CDH13: variants seen among roughly 807,000 people sequenced by gnomAD.
CDH13 encodes the protein cadherin-13.
Under a neutral mutation model 63.8 loss-of-function variants are expected in CDH13, and 24 were observed. The ratio of observed to expected loss-of-function variants is 0.38; its 90% CI spans 0.27 to 0.53. CDH13 has a LOEUF of 0.53. CDH13 is among the 20% of genes least tolerant of loss of function. The pLI is 0.85. For missense variants in CDH13, 1,049 were observed against 903.1 expected, an observed-to-expected ratio of 1.16 and a Z score of -2.07; for synonymous variants, 503 against 355.3, an observed-to-expected ratio of 1.42 and a Z score of -4.67.
chr16:83,097,422 T>C lies in CDH13; in HGVS notation c.367-27963T>C, dbSNP rs527242917. The stretch of plus-strand genomic sequence containing the variant: ...CTATTTTTATTTTTAAATAAAACTT[T>C]GTAATTGGTAAAGTCACAGAATCAG... On this transcript the variant is annotated intron_variant, in intron 3 of 13. Transcript: ENST00000567109. Among the ~76,000 whole-genome samples the C allele has an allele frequency of 3.3e-5, 5 of 152,338 alleles. 1 individual carries two copies. The South Asian group carries it at 1.0e-3, about 32-fold the overall frequency.
At chr16:83,660,338 G>T (rs1837141753) in intron 8 of CDH13, among the ~76,000 whole-genome samples, 1 of 152,146 alleles carries the variant, frequency 6.6e-6, no homozygotes, top group South Asian at 2.1e-4. Context: ...GACAATGATA[G>T]ATCATCAAGT....
At chr16:83,749,898 T>C (rs1251133251) in intron 11 of CDH13, among the ~76,000 whole-genome samples, 1 of 152,132 alleles carries the variant, frequency 6.6e-6, no homozygotes, top group East Asian at 1.9e-4. Flanking sequence ...ATGAAGGATA[T>C]GTGGATTAAA....
At chr16:83,231,000 C>T (rs532492326) in intron 5 of CDH13, among the ~76,000 whole-genome samples, 1 of 152,342 alleles carries the variant, frequency 6.6e-6, no homozygotes, top group African/African-American at 2.4e-5. Context: ...TCCCTTTGTC[C>T]ACATGCCTTC....
intron 8 of CDH13, among the ~76,000 whole-genome samples, chr16:83,668,602 C>G (rs372930752): frequency 3.0e-4 from 46 of 152,318 alleles, no homozygotes; most frequent in East Asian, 2.1e-3. Flanking sequence ...AGAACCAGTC[C>G]TTTGGCTCTG....
intron 1 of CDH13, among the ~76,000 whole-genome samples, chr16:82,821,117 T>C (rs897481639): frequency 7.9e-5 from 12 of 152,220 alleles, no homozygotes; most frequent in Non-Finnish European, 1.8e-4. Flanking sequence ...TACTTAATCC[T>C]TGAACTTCAG....
chr16:83,692,069 G>C (rs8059384), intron 10 of CDH13, among the ~76,000 whole-genome samples: 151,995 of 152,324 alleles, frequency 1, 75,833 homozygotes, highest in Middle Eastern at 1. Context: ...GACAGCCGTC[G>C]TCACCTCTCT....
chr16:82,958,365 C>T (rs1471804587), intron 2 of CDH13, among the ~76,000 whole-genome samples: 1 of 152,016 alleles, frequency 6.6e-6, no homozygotes, highest in Non-Finnish European at 1.5e-5. Context: ...TCAGCAGAGG[C>T]AGTAGGGGTA....
At chr16:83,612,641 T>C (rs543619610) in intron 8 of CDH13, among the ~76,000 whole-genome samples, 1 of 152,178 alleles carries the variant, frequency 6.6e-6, no homozygotes, top group African/African-American at 2.4e-5. Flanking sequence ...TTTTTATAAT[T>C]TCATATTCAG....
At chr16:83,550,516 C>A (rs952271220) in intron 7 of CDH13, among the ~76,000 whole-genome samples, 1 of 152,190 alleles carries the variant, frequency 6.6e-6, no homozygotes, top group Non-Finnish European at 1.5e-5. Flanking sequence ...AGCAGTTAAT[C>A]CGATGGCAAA....
chr16:83,396,949 A>G (rs914748759), intron 6 of CDH13, among the ~76,000 whole-genome samples: 1 of 152,196 alleles, frequency 6.6e-6, no homozygotes, highest in Admixed American at 6.5e-5. Context: ...CTGAGGCTCT[A>G]TGAAATCAGA....
intron 5 of CDH13, among the ~76,000 whole-genome samples, chr16:83,232,946 T>G (rs2040045787): frequency 6.6e-6 from 1 of 152,160 alleles, no homozygotes; most frequent in Non-Finnish European, 1.5e-5. Context: ...GGCAAAAATG[T>G]GTCACCCTGA....
chr16:82,841,247 C>T (rs1329994027), intron 1 of CDH13, among the ~76,000 whole-genome samples: 1 of 152,174 alleles, frequency 6.6e-6, no homozygotes, highest in Non-Finnish European at 1.5e-5. Context: ...GGCCATCTAG[C>T]AGATACAGTG....
At chr16:83,549,491 C>T (rs1317129410) in intron 7 of CDH13, among the ~76,000 whole-genome samples, 1 of 152,120 alleles carries the variant, frequency 6.6e-6, no homozygotes, top group Non-Finnish European at 1.5e-5. Flanking sequence ...TTGCAGGCTG[C>T]CATATGCTTC....
chr16:83,694,257 T>C (rs1905166440), intron 10 of CDH13, among the ~76,000 whole-genome samples: 2 of 152,184 alleles, frequency 1.3e-5, no homozygotes, highest in South Asian at 2.1e-4. Context: ...ATGACCTGTG[T>C]TCACCCCCAC....
chr16:83,567,940 A>G (rs964994336), intron 7 of CDH13, among the ~76,000 whole-genome samples: 3 of 152,214 alleles, frequency 2.0e-5, no homozygotes, highest in African/African-American at 4.8e-5. Flanking sequence ...TCTAACTGCA[A>G]CCAAAGCCCC....
intron 6 of CDH13, among the ~76,000 whole-genome samples, chr16:83,376,832 C>T (rs2091468445): frequency 6.6e-6 from 1 of 152,124 alleles, no homozygotes; most frequent in African/African-American, 2.4e-5. Flanking sequence ...TGACACTCTG[C>T]CACTTCTTTG....
chr16:82,657,229 A>G (rs1329505827), intron 1 of CDH13, among the ~76,000 whole-genome samples: 2 of 152,218 alleles, frequency 1.3e-5, no homozygotes, highest in African/African-American at 4.8e-5. Context: ...GAGGCACAGT[A>G]AGAGATGAAC....
chr16:82,747,907 C>T (rs915252048), intron 1 of CDH13, among the ~76,000 whole-genome samples: 1 of 152,208 alleles, frequency 6.6e-6, no homozygotes, highest in African/African-American at 2.4e-5. Context: ...CATTTGTTTA[C>T]ATCCAGGCAA....
Position 82,930,864 on chromosome 16 carries a change from A to G in CDH13, c.157+72391A>G, listed in dbSNP as rs143338327. Among the ~76,000 whole-genome samples, 161 of 152,316 alleles carry G rather than the reference A, an allele frequency of 1.1e-3. 2 individuals carry two copies. The highest frequency in any genetic ancestry group is 1.3e-3 in the Non-Finnish European group (87 of 68,034). On this transcript the variant is annotated intron_variant, in intron 2 of 13. Transcript: ENST00000567109. The stretch of plus-strand genomic sequence containing the variant: ...TGATGACCTATCAGAGAGGACATAA[A>G]TCACTCCTCTTCCCAAATTAGATTA...
Sources: gnomAD v4.1 joint callset for allele counts (sites outside exome capture counted in the v4.1 genomes callset) on GRCh38, gnomAD v4.1.1 for gene constraint, MANE v1.5 for transcripts, NCBI Gene and HGNC (gene_info 2026-07-23, HGNC 2026-07-21) for gene names.